The following SNTG2 variants were observed in gnomAD, a reference collection of about 807,000 sequenced individuals.
SNTG2 encodes the protein gamma-2-syntrophin.
A neutral mutation model predicts 70.9 loss-of-function variants in SNTG2; 74 were observed. That is an observed-to-expected ratio of 1.04 (90% CI 0.86 to 1.27). The LOEUF is 1.27. SNTG2 is among the 50% of genes most tolerant of loss of function. The pLI, the probability that SNTG2 is intolerant of heterozygous loss-of-function variation, is 0.00. For missense variants in SNTG2, 717 were observed against 690.7 expected, an observed-to-expected ratio of 1.04 and a Z score of -0.43; for synonymous variants, 278 against 273.8, an observed-to-expected ratio of 1.02 and a Z score of -0.15.
At chr2:1,366,888 C>T (rs1429694514) in intron 16 of SNTG2, among the ~76,000 whole-genome samples, 3 of 152,230 alleles carry the variant, frequency 2.0e-5, no homozygotes, top group Non-Finnish European at 4.4e-5. Context: ...AAAGGCACGG[C>T]GGCCTGAGAC....
chr2:1,255,967 C>T (rs1351253825), intron 12 of SNTG2, among the ~76,000 whole-genome samples: 1 of 141,858 alleles, frequency 7.0e-6, no homozygotes, highest in Non-Finnish European at 1.5e-5. Flanking sequence ...TGTGTTAATA[C>T]ACATACGTAT....
intron 15 of SNTG2, among the ~76,000 whole-genome samples, chr2:1,313,295 G>T (rs1280404310): frequency 6.6e-6 from 1 of 152,226 alleles, no homozygotes; most frequent in African/African-American, 2.4e-5. Flanking sequence ...AATGTTTTCT[G>T]TCTTCCAAGA....
At chr2:1,200,374 G>A (rs1673200412) in intron 8 of SNTG2, among the ~76,000 whole-genome samples, 1 of 151,894 alleles carries the variant, frequency 6.6e-6, no homozygotes, top group Non-Finnish European at 1.5e-5. Flanking sequence ...AACTCAAAGT[G>A]GATTAAAAGC....
chr2:1,347,412 C>T (rs1451668128), intron 16 of SNTG2, among the ~76,000 whole-genome samples: 3 of 152,200 alleles, frequency 2.0e-5, no homozygotes, highest in Admixed American at 6.5e-5. Context: ...AGCTGACCCT[C>T]ACCAGCCCTG....
At chr2:1,153,823 A>G (rs1255094437) in intron 6 of SNTG2, among the ~76,000 whole-genome samples, 1 of 152,222 alleles carries the variant, frequency 6.6e-6, no homozygotes, top group Admixed American at 6.5e-5. Context: ...CTAACTTCGA[A>G]CAAAAATCAA....
At chr2:981,620 T>C (rs11127538) in intron 1 of SNTG2, among the ~76,000 whole-genome samples, 57,592 of 151,396 alleles carry the variant, frequency 0.38, 11,199 homozygotes, top group Middle Eastern at 0.47. Flanking sequence ...CACATATGCA[T>C]ATACACACAG....
At chr2:1,239,677 T>G in intron 10 of SNTG2, 61 bp from the exon 11 acceptor site, 1 of 1,584,194 alleles carries the variant, frequency 6.3e-7, no homozygotes, top group East Asian at 2.2e-5. Flanking sequence ...CAGCTGTCAC[T>G]CAGGTGAGCC....
intron 1 of SNTG2, among the ~76,000 whole-genome samples, chr2:1,076,792 C>T (rs1214297893): frequency 6.6e-6 from 1 of 151,924 alleles, no homozygotes; most frequent in Admixed American, 6.6e-5. Flanking sequence ...AAAATCAGGA[C>T]TTAATAAAAA....
At chr2:1,019,777 G>C (rs1482288461) in intron 1 of SNTG2, among the ~76,000 whole-genome samples, 2 of 152,130 alleles carry the variant, frequency 1.3e-5, no homozygotes, top group African/African-American at 2.4e-5. Flanking sequence ...GGCCAGGCGT[G>C]GTGGCTCAGG....
At chr2:1,113,921 G>T (rs1666719440) in intron 4 of SNTG2, among the ~76,000 whole-genome samples, 1 of 151,346 alleles carries the variant, frequency 6.6e-6, no homozygotes, top group Admixed American at 6.6e-5. Flanking sequence ...AACCCTTACA[G>T]TCCTTTGAGG....
At chr2:1,305,654 C>T (rs1680639006) in intron 14 of SNTG2, among the ~76,000 whole-genome samples, 1 of 152,062 alleles carries the variant, frequency 6.6e-6, no homozygotes, top group Non-Finnish European at 1.5e-5. Flanking sequence ...TAAAAAATTC[C>T]CTCAAGTTCT....
At chr2:1,062,638 C>G (rs1662896272) in intron 1 of SNTG2, among the ~76,000 whole-genome samples, 1 of 152,168 alleles carries the variant, frequency 6.6e-6, no homozygotes, top group Admixed American at 6.5e-5. Context: ...CCAACTCTAC[C>G]TTATGACTCT....
chr2:1,341,835 A>G (rs1048375009), intron 16 of SNTG2: 1 of 142,246 alleles, frequency 7.0e-6, no homozygotes, highest in African/African-American at 2.8e-5. Context: ...TTTGTTTCCT[A>G]ATTTTTATCG....
chr2:1,304,728 C>CAAA (rs58886426), intron 14 of SNTG2, among the ~76,000 whole-genome samples: 1 of 140,756 alleles, frequency 7.1e-6, no homozygotes, highest in Non-Finnish European at 1.5e-5. Flanking sequence ...CTCTCTCTCT[C>CAAA]AAAAAAAAAA....
At chr2:1,010,833 C>T (rs575556407) in intron 1 of SNTG2, among the ~76,000 whole-genome samples, 3 of 152,306 alleles carry the variant, frequency 2.0e-5, no homozygotes, top group East Asian at 3.9e-4. Flanking sequence ...GGGCTCCCTC[C>T]CAGGCTGAGT....
intron 16 of SNTG2, among the ~76,000 whole-genome samples, chr2:1,355,218 T>A (rs1660781624): frequency 6.6e-6 from 1 of 152,186 alleles, no homozygotes; most frequent in Non-Finnish European, 1.5e-5. Context: ...GCACATGACA[T>A]GAGATTTACT....
chr2:1,092,504 T>C (rs1315687337), intron 2 of SNTG2, among the ~76,000 whole-genome samples: 2 of 152,244 alleles, frequency 1.3e-5, no homozygotes, highest in Non-Finnish European at 2.9e-5. Flanking sequence ...CGCAGTGTTT[T>C]ACCTGTAGAA....
At position 1,319,964 on chromosome 2, in the gene SNTG2, A is replaced by T. The variant is rs138518403; in HGVS notation, c.1488+3589A>T. Among the ~76,000 whole-genome samples, 947 of 152,368 alleles carry T rather than the reference A, an allele frequency of 6.2e-3. 4 individuals carry two copies. Among genetic ancestry groups the T allele is most frequent in the Non-Finnish European group, 9.9e-3 (671 of 68,038 alleles). On this transcript the variant is annotated intron_variant, in intron 16 of 16. Coordinates refer to ENST00000308624, the MANE Select transcript of SNTG2 (RefSeq NM_018968.4). The stretch of plus-strand genomic sequence containing the variant: ...GATGTTAGCAATATGTTGTCTTAAG[A>T]AATAGGAACATTTTATTATCTCAAT...
chr2:1,350,493 T>C (rs1243685265), intron 16 of SNTG2, among the ~76,000 whole-genome samples: 1 of 152,230 alleles, frequency 6.6e-6, no homozygotes, highest in East Asian at 1.9e-4. Flanking sequence ...TGTATGGTGC[T>C]TCTTGCAGGA....
Sources: gnomAD v4.1 joint callset for allele counts (sites outside exome capture counted in the v4.1 genomes callset) on GRCh38, gnomAD v4.1.1 for gene constraint, MANE v1.5 for transcripts, NCBI Gene and HGNC (gene_info 2026-07-23, HGNC 2026-07-21) for gene names.